MBD2: variants seen among roughly 807,000 people sequenced by gnomAD.
MBD2 encodes methyl-CpG-binding domain protein 2.
In MBD2, 9 loss-of-function variants were observed where a neutral mutation model predicts 39.3. That is an observed-to-expected ratio of 0.23 (90% CI 0.14 to 0.40). MBD2 has a LOEUF of 0.40. Ranked by LOEUF, MBD2 falls within the 10% of genes least tolerant of loss-of-function variation. MBD2 has a pLI of 1.00. For synonymous variants in MBD2, 233 were observed against 211.1 expected, an observed-to-expected ratio of 1.10 and a Z score of -0.90; for missense variants, 458 against 532.6, an observed-to-expected ratio of 0.86 and a Z score of 1.38.
chr18:54,224,484 C>T lies in MBD2; in HGVS notation c.76G>A (p.Ala26Thr), dbSNP rs1378702785. The change falls in exon 1 of 7, where the codon GCT (alanine) becomes ACT (threonine). Residue 26 changes from alanine to threonine, a missense_variant. By Grantham distance (58) the Ala-to-Thr change is moderately conservative. Coordinates refer to ENST00000256429, the MANE Select transcript of MBD2 (RefSeq NM_003927.5). ...EGESAAGGSG[A>T]GGDSAIEQGG... ...TGCTCTATGGCGGAGTCGCCGCCAGCGCCGCTGCCGCCCGCCGCACTCTCC... is the reference window on the plus strand; with the variant it reads ...TGCTCTATGGCGGAGTCGCCGCCAGTGCCGCTGCCGCCCGCCGCACTCTCC... 1.6e-6 allele frequency: 2 copies of T among 1,232,412 alleles called. No homozygotes were observed. The highest frequency in any genetic ancestry group is 1.0e-6 in the Non-Finnish European group (1 of 989,394). 76.3% of individuals were successfully genotyped at this position (1,232,412 alleles called of 1,614,324 possible).
At chr18:54,193,754 G>A (rs1454143793) in intron 2 of MBD2, among the ~76,000 whole-genome samples, 1 of 152,134 alleles carries the variant, frequency 6.6e-6, no homozygotes, top group Non-Finnish European at 1.5e-5. Flanking sequence ...TGGGCAAAGA[G>A]AGAAACATTC....
At chr18:54,203,230 A>T in intron 2 of MBD2, 1 of 1,183,292 alleles carries the variant, frequency 8.5e-7, no homozygotes, top group Non-Finnish European at 1.2e-6. Context: ...TGGTAACAGT[A>T]CAGTAATCTA....
At chr18:54,223,457 T>C (rs2086631778) in intron 1 of MBD2, among the ~76,000 whole-genome samples, 1 of 152,168 alleles carries the variant, frequency 6.6e-6, no homozygotes, top group Non-Finnish European at 1.5e-5. Context: ...GGAGCAAATT[T>C]TGGTCTAGGA....
At chr18:54,155,335 A>T (rs1329691361) in intron 6 of MBD2, 24 bp from the exon 7 acceptor site, 8 of 151,910 alleles carry the variant, frequency 5.3e-5, no homozygotes, top group African/African-American at 1.9e-4. Flanking sequence ...AAAAAAAAGA[A>T]CAAACTTAAG....
chr18:54,173,639 C>T (rs1161946571), intron 3 of MBD2, among the ~76,000 whole-genome samples: 1 of 152,194 alleles, frequency 6.6e-6, no homozygotes, highest in Non-Finnish European at 1.5e-5. Flanking sequence ...AGGAAGGGAA[C>T]CTTTCCTTAA....
At chr18:54,202,209 G>C (rs1599100057) in intron 2 of MBD2, among the ~76,000 whole-genome samples, 2 of 152,192 alleles carry the variant, frequency 1.3e-5, no homozygotes, top group Middle Eastern at 6.8e-3. Flanking sequence ...TAGGCGTGGT[G>C]GTGGGTGCCT....
chr18:54,171,912 T>C (rs937686562), intron 3 of MBD2, among the ~76,000 whole-genome samples: 1 of 152,208 alleles, frequency 6.6e-6, no homozygotes, highest in African/African-American at 2.4e-5. Flanking sequence ...CTCAGGTCAG[T>C]GTGATTAAAC....
intron 1 of MBD2, 104 bp from the exon 2 acceptor site, chr18:54,205,261 T>A (rs564947204): frequency 9.8e-7 from 1 of 1,019,994 alleles, no homozygotes; most frequent in East Asian, 2.6e-5. Context: ...ATTCTAATTT[T>A]ACATATTTTT....
At chr18:54,223,248 T>C (rs1470322033) in intron 1 of MBD2, among the ~76,000 whole-genome samples, 3 of 152,220 alleles carry the variant, frequency 2.0e-5, no homozygotes, top group Non-Finnish European at 2.9e-5. Flanking sequence ...GTGAAAAACC[T>C]TGAATCATTT....
chr18:54,199,741 T>C (rs1275331355), intron 2 of MBD2, among the ~76,000 whole-genome samples: 1 of 152,180 alleles, frequency 6.6e-6, no homozygotes, highest in Non-Finnish European at 1.5e-5. Context: ...CACCTTTCCA[T>C]ACTTCCTGCA....
chr18:54,200,971 T>C (rs1218754033), intron 2 of MBD2, among the ~76,000 whole-genome samples: 1 of 151,720 alleles, frequency 6.6e-6, no homozygotes, highest in Non-Finnish European at 1.5e-5. Context: ...TCCCAGCTAC[T>C]TGGGAGGCTG....
intron 3 of MBD2, among the ~76,000 whole-genome samples, chr18:54,181,992 T>C (rs2086254888): frequency 2.0e-5 from 3 of 152,208 alleles, no homozygotes; most frequent in Non-Finnish European, 1.5e-5. Flanking sequence ...TGGTGTTTTT[T>C]TCATTGCACT....
intron 3 of MBD2, 101 bp downstream of exon 3, chr18:54,188,773 C>A: frequency 7.9e-7 from 1 of 1,267,568 alleles, no homozygotes; most frequent in Non-Finnish European, 1.1e-6. Flanking sequence ...ATTTTCTTTC[C>A]AAATATACTC....
chr18:54,176,999 ACTCT>A (rs2086216419), intron 3 of MBD2, among the ~76,000 whole-genome samples: 1 of 152,114 alleles, frequency 6.6e-6, no homozygotes, highest in Non-Finnish European at 1.5e-5. Flanking sequence ...TGCCATGAAT[ACTCT>A]CTAACTTACA....
intron 1 of MBD2, among the ~76,000 whole-genome samples, chr18:54,223,634 A>G (rs1249868653): frequency 6.6e-6 from 1 of 152,240 alleles, no homozygotes; most frequent in East Asian, 1.9e-4. Context: ...CCACATGTGC[A>G]TGCTTAACAC....
At chr18:54,183,972 A>G (rs2086267067) in intron 3 of MBD2, among the ~76,000 whole-genome samples, 3 of 152,166 alleles carry the variant, frequency 2.0e-5, no homozygotes, top group South Asian at 4.1e-4. Context: ...TTCAGTTCAG[A>G]TGGGTAATAT....
chr18:54,203,419 G>A (rs1329362066), intron 2 of MBD2, among the ~76,000 whole-genome samples: 1 of 152,066 alleles, frequency 6.6e-6, no homozygotes, highest in Non-Finnish European at 1.5e-5. Context: ...CACACACAAG[G>A]TCCTAACTTT....
chr18:54,186,809 T>C (rs1342974418), intron 3 of MBD2, among the ~76,000 whole-genome samples: 2 of 152,220 alleles, frequency 1.3e-5, no homozygotes, highest in Non-Finnish European at 2.9e-5. Flanking sequence ...TTCCTGTCTA[T>C]GCAAGCTAAA....
rs868719861 is a variant in MBD2 at position 54,224,045 on chromosome 18, G to A, written c.515C>T (p.Ala172Val). 2 of 1,581,552 alleles carry A rather than the reference G, an allele frequency of 1.3e-6. No homozygotes were observed. The highest frequency in any genetic ancestry group is 1.4e-5 in the African/African-American group (1 of 73,204). Residue 172 changes from alanine to valine, a missense_variant, in exon 1 of 7, where the codon GCT becomes GTT. Transcript: ENST00000256429. ...EEVIRKSGLS[A>V]GKSDVYYFSP... ...GAAGTAGTAGACATCGCTCTTGCCA[G>A]CACTTAGCCCAGATTTTCGGATCAC...
Sources: gnomAD v4.1 joint callset for allele counts (sites outside exome capture counted in the v4.1 genomes callset) on GRCh38, gnomAD v4.1.1 for gene constraint, MANE v1.5 for transcripts, NCBI Gene and HGNC (gene_info 2026-07-23, HGNC 2026-07-21) for gene names.